Variants in SSX2IP observed in about 807,000 individuals in gnomAD.
SSX2IP encodes the protein SSX family member 2 interacting protein, also known as afadin- and alpha-actinin-binding protein.
In SSX2IP, 55 loss-of-function variants were observed where a neutral mutation model predicts 84.9. That is an observed-to-expected ratio of 0.65 (90% CI 0.52 to 0.81). SSX2IP has a LOEUF of 0.81. Ranked by LOEUF, SSX2IP falls within the 30% of genes least tolerant of loss-of-function variation. SSX2IP has a pLI of 0.00. For synonymous variants in SSX2IP, 239 were observed against 234.7 expected (o/e 1.02, Z -0.17); for missense variants, 664 against 705.2 (o/e 0.94, Z 0.66).
intron 8 of SSX2IP, among the ~76,000 whole-genome samples, chr1:84,660,573 C>A (rs369706604): frequency 6.6e-6 from 1 of 152,132 alleles, no homozygotes; most frequent in African/African-American, 2.4e-5. Context: ...TGAGACCAGC[C>A]TGACCAACAT....
chr1:84,686,075 A>G (rs567820185), intron 1 of SSX2IP, among the ~76,000 whole-genome samples: 2 of 152,372 alleles, frequency 1.3e-5, no homozygotes, highest in African/African-American at 2.4e-5. Flanking sequence ...TGCTTGCAAA[A>G]TAAGTTCTAT....
chr1:84,669,309 A>C (rs1309197971), intron 4 of SSX2IP, among the ~76,000 whole-genome samples: 1 of 152,110 alleles, frequency 6.6e-6, no homozygotes, highest in African/African-American at 2.4e-5. Context: ...CAGATGCCTC[A>C]ATAATATTTT....
intron 1 of SSX2IP, among the ~76,000 whole-genome samples, chr1:84,683,163 T>A (rs1253435522): frequency 2.6e-5 from 4 of 151,956 alleles, no homozygotes; most frequent in South Asian, 2.1e-4. Flanking sequence ...TTTTTTTTTT[T>A]AAGTTTTGGG....
Position 84,644,515 on chromosome 1 carries a change from C to T in SSX2IP, c.*2918G>A, listed in dbSNP as rs1307069777. On this transcript the variant is annotated 3_prime_UTR_variant, in exon 14 of 14. Coordinates refer to ENST00000342203, the MANE Select transcript of SSX2IP (RefSeq NM_001166293.2). Reference sequence around the variant, plus strand: ...ATTTACTAGACTTCCATAATCCATACTTACTTTAAATTCAATCTAGAAATA... The same window carrying T: ...ATTTACTAGACTTCCATAATCCATATTTACTTTAAATTCAATCTAGAAATA... 6.6e-6 allele frequency: 1 copy of T among 152,188 alleles called. No individual in the cohort carries two copies. Among genetic ancestry groups the T allele is most frequent in the Non-Finnish European group, 1.5e-5 (1 of 68,024 alleles). The allele number at this position is 152,188 out of a possible 1,614,324, so 9.4% of individuals were successfully genotyped here.
chr1:84,651,933 AAGGT>A lies in SSX2IP; in HGVS notation c.1450_1453del (p.Thr484LeufsTer9). ...CACATTTTCTGAGTTCTGGTGGTCA[AAGGT>A]AGTCATATTTAGAAACTGCTGCTTT... On this transcript the variant is annotated frameshift_variant, in exon 12 of 14. Transcript: ENST00000342203. LOFTEE classifies it high-confidence loss of function. 6.2e-7 allele frequency: 1 copy of A among 1,613,994 alleles called. No individual in the cohort carries two copies. Among genetic ancestry groups the A allele is most frequent in the Non-Finnish European group, 8.5e-7 (1 of 1,179,920 alleles).
chr1:84,648,261 T>C (rs2102124572), intron 13 of SSX2IP, among the ~76,000 whole-genome samples: 1 of 152,314 alleles, frequency 6.6e-6, no homozygotes, highest in South Asian at 2.1e-4. Context: ...CTGCACAGCT[T>C]CTCTATTAGT....
chr1:84,674,185 A>G (rs1653970539), intron 1 of SSX2IP, among the ~76,000 whole-genome samples: 1 of 152,186 alleles, frequency 6.6e-6, no homozygotes, highest in Non-Finnish European at 1.5e-5. Flanking sequence ...ATACCTCCTA[A>G]GTTTCCCAAG....
Position 84,662,221 on chromosome 1 carries a change from T to C in SSX2IP, c.904A>G (p.Arg302Gly). The change falls in exon 8 of 14, where the codon AGA (arginine) becomes GGA (glycine). Residue 302 changes from arginine to glycine, a missense_variant. By Grantham distance (125) the Arg-to-Gly change is moderately radical. Coordinates refer to ENST00000342203, the MANE Select transcript of SSX2IP (RefSeq NM_001166293.2). ...ACAGTTCCTGTACTATCATCTACTC[T>C]TTCTCTAGGTTTCTTCTTTTGGGGA... ...LSPQKKKPRE[R>G]VDDSTGTVIS... 2.5e-6 allele frequency: 4 copies of C among 1,598,610 alleles called. No homozygotes were observed. Among genetic ancestry groups the C allele is most frequent in the Middle Eastern group, 2.0e-4 (1 of 5,004 alleles).
chr1:84,684,116 C>T (rs1363939258), intron 1 of SSX2IP, among the ~76,000 whole-genome samples: 2 of 152,146 alleles, frequency 1.3e-5, no homozygotes, highest in Non-Finnish European at 2.9e-5. Flanking sequence ...TAAATCTACT[C>T]ATCGTTTTTT....
At chr1:84,666,724 C>G (rs1409258873) in intron 4 of SSX2IP, among the ~76,000 whole-genome samples, 2 of 152,084 alleles carry the variant, frequency 1.3e-5, no homozygotes, top group African/African-American at 4.8e-5. Flanking sequence ...AATGGGACTT[C>G]TGTGTGACAC....
chr1:84,672,296 A>G (rs1040851869), intron 1 of SSX2IP, among the ~76,000 whole-genome samples: 7 of 152,176 alleles, frequency 4.6e-5, no homozygotes, highest in Non-Finnish European at 8.8e-5. Context: ...TCTCGGCTAC[A>G]ATAAATTGTG....
At chr1:84,676,213 C>A (rs1654304755) in intron 1 of SSX2IP, among the ~76,000 whole-genome samples, 2 of 152,136 alleles carry the variant, frequency 1.3e-5, no homozygotes. Context: ...AGGGAACAAA[C>A]CTGAAATACA....
chr1:84,656,598 A>G (rs1413204550), intron 9 of SSX2IP, 114 bp from the exon 10 acceptor site: 1 of 991,826 alleles, frequency 1.0e-6, no homozygotes. Context: ...CTAGAATTTT[A>G]TAGGTTTTCT....
intron 1 of SSX2IP, among the ~76,000 whole-genome samples, chr1:84,682,316 C>T (rs1310499727): frequency 6.6e-6 from 1 of 152,148 alleles, no homozygotes; most frequent in Non-Finnish European, 1.5e-5. Flanking sequence ...CCATGGTTCT[C>T]AGCAACACTT....
At chr1:84,662,669 G>A (rs961490819) in intron 6 of SSX2IP, 139 bp from the exon 7 acceptor site, 2 of 757,906 alleles carry the variant, frequency 2.6e-6, no homozygotes, top group Admixed American at 3.3e-5. Flanking sequence ...CCTAATTTTC[G>A]AGTTTCTAGT....
At chr1:84,649,890 C>T in intron 13 of SSX2IP, 1 of 521,960 alleles carries the variant, frequency 1.9e-6, no homozygotes, top group Non-Finnish European at 3.8e-6. Context: ...TTTACACTGT[C>T]ATCCTTGGGC....
In SSX2IP at chr1:84,647,469, G is replaced by A; in HGVS notation, c.1809C>T (p.Tyr603=). The change falls in exon 14 of 14, where the codon TAC becomes TAT. Residue 603 remains tyrosine, a synonymous_variant. Coordinates refer to ENST00000342203, the MANE Select transcript of SSX2IP (RefSeq NM_001166293.2). ...CATCTTTTTCTACATGAGAATTTGT[G>A]TAGCTCAAGGAGCATCCACTATAGC... ...EGCYSGCSLS[Y]TNSHVEKDDL... 1 of 1,606,932 alleles carries A rather than the reference G, an allele frequency of 6.2e-7. No individual in the cohort carries two copies. Among genetic ancestry groups the A allele is most frequent in the East Asian group, 2.2e-5 (1 of 44,604 alleles).
intron 12 of SSX2IP, 139 bp from the exon 13 acceptor site, chr1:84,650,666 TC>T: frequency 1.1e-6 from 1 of 937,276 alleles, no homozygotes; most frequent in Non-Finnish European, 1.6e-6. Context: ...TTATCATTAA[TC>T]TTGCTTATCT....
intron 4 of SSX2IP, among the ~76,000 whole-genome samples, chr1:84,667,685 AAC>A (rs983939691): frequency 2.0e-5 from 3 of 152,088 alleles, no homozygotes; most frequent in African/African-American, 7.2e-5. Flanking sequence ...TCGCAGCCCC[AAC>A]AGAGATATTT....
Sources: gnomAD v4.1 joint callset for allele counts (sites outside exome capture counted in the v4.1 genomes callset) on GRCh38, gnomAD v4.1.1 for gene constraint, MANE v1.5 for transcripts, NCBI Gene and HGNC (gene_info 2026-07-23, HGNC 2026-07-21) for gene names.